The following PLAAT2 variants were observed in gnomAD, a reference collection of about 807,000 sequenced individuals.
The protein encoded by PLAAT2 is HRAS like suppressor 2.
Under a neutral mutation model 12.8 loss-of-function variants are expected in PLAAT2, and 12 were observed. The ratio of observed to expected loss-of-function variants is 0.94; its 90% CI spans 0.60 to 1.52. The LOEUF is 1.52. Ranked by LOEUF, PLAAT2 falls within the 40% of genes most tolerant of loss-of-function variation. The pLI is 0.00. For missense variants in PLAAT2, 166 were observed against 208.1 expected (o/e 0.80, Z 1.24); for synonymous variants, 79 against 86.8 (o/e 0.91, Z 0.50).
At chr11:63,556,738 C>T (rs1243209725) in intron 3 of PLAAT2, among the ~76,000 whole-genome samples, 1 of 152,154 alleles carries the variant, frequency 6.6e-6, no homozygotes, top group Non-Finnish European at 1.5e-5. Flanking sequence ...CAGCTAAATC[C>T]TCCCACACCC....
rs138429875 is a variant in PLAAT2, at chr11:63,560,386, T to G, written c.10-193A>C. ...TACTGGGGCTGCAGGACTGAAAAGT[T>G]GCTCTTCAGGGGACAAGGAGGAGAT... On this transcript the variant is annotated intron_variant, in intron 1 of 3. Transcript: ENST00000255695. Among the ~76,000 whole-genome samples the G allele has an allele frequency of 9.8e-5, 15 of 152,342 alleles. No individual in the cohort carries two copies. In the East Asian group the frequency reaches 2.1e-3, roughly 22 times the overall value.
At chr11:63,559,392 A>T (rs1333760663) in intron 2 of PLAAT2, among the ~76,000 whole-genome samples, 1 of 152,096 alleles carries the variant, frequency 6.6e-6, no homozygotes, top group East Asian at 1.9e-4. Context: ...TTGAAACAGT[A>T]GGAAAGGAAA....
At chr11:63,558,274 G>T in intron 3 of PLAAT2, 118 bp downstream of exon 3, 3 of 1,117,108 alleles carry the variant, frequency 2.7e-6, no homozygotes, top group Non-Finnish European at 2.6e-6. Context: ...TTTCATATCT[G>T]CTATTTTGTC....
intron 2 of PLAAT2, 111 bp from the exon 3 acceptor site, chr11:63,558,771 T>A: frequency 1.5e-6 from 2 of 1,292,536 alleles, no homozygotes; most frequent in South Asian, 1.4e-5. Context: ...GTGGAAGGAC[T>A]TGTCCATCCT....
intron 3 of PLAAT2, among the ~76,000 whole-genome samples, chr11:63,554,455 G>A (rs925321237): frequency 2.0e-5 from 3 of 151,558 alleles, no homozygotes; most frequent in Admixed American, 1.3e-4. Context: ...AACATGGTGA[G>A]ACCCCCGTCT....
At chr11:63,560,255 T>G in intron 1 of PLAAT2, 62 bp from the exon 2 acceptor site, 1 of 1,267,576 alleles carries the variant, frequency 7.9e-7, no homozygotes, top group Non-Finnish European at 1.1e-6. Flanking sequence ...TTCTAGGGCC[T>G]GACCTGCAAG....
intron 3 of PLAAT2, among the ~76,000 whole-genome samples, chr11:63,557,426 C>G (rs2017475877): frequency 6.6e-6 from 1 of 151,970 alleles, no homozygotes; most frequent in Admixed American, 6.6e-5. Context: ...ACTCAGGAGA[C>G]TGAGGTGGGA....
chr11:63,562,657 T>C (rs1260016526), intron 1 of PLAAT2, among the ~76,000 whole-genome samples: 1 of 152,234 alleles, frequency 6.6e-6, no homozygotes, highest in Non-Finnish European at 1.5e-5. Context: ...GCAGTAATTA[T>C]GCCTACTTCA....
At chr11:63,557,012 G>A (rs545681558) in intron 3 of PLAAT2, among the ~76,000 whole-genome samples, 1 of 152,124 alleles carries the variant, frequency 6.6e-6, no homozygotes, top group Non-Finnish European at 1.5e-5. Flanking sequence ...TAGGCTGATT[G>A]GTTTGACAAT....
intron 3 of PLAAT2, 41 bp from the exon 4 acceptor site, chr11:63,553,106 C>T (rs374258631): frequency 1.5e-5 from 20 of 1,309,504 alleles, no homozygotes; most frequent in Middle Eastern, 1.8e-4. Context: ...AGCATCAGGG[C>T]GGGACCACGA....
chr11:63,558,842 C>G (rs1042219406), intron 2 of PLAAT2, among the ~76,000 whole-genome samples, 182 bp from the exon 3 acceptor site: 5 of 152,190 alleles, frequency 3.3e-5, no homozygotes, highest in Non-Finnish European at 5.9e-5. Context: ...GAGAAGGTCC[C>G]TAAGTTCTGG....
upstream of PLAAT2, among the ~76,000 whole-genome samples, chr11:63,564,168 G>A (rs2017544186): frequency 6.6e-6 from 1 of 152,146 alleles, no homozygotes; most frequent in Non-Finnish European, 1.5e-5. Flanking sequence ...TGCTTGGACA[G>A]CAGTATAGAA....
At chr11:63,563,542 C>A (rs2017537380), upstream of PLAAT2, among the ~76,000 whole-genome samples, 1 of 151,788 alleles carries the variant, frequency 6.6e-6, no homozygotes, top group South Asian at 2.1e-4. Flanking sequence ...CACGGTGAAA[C>A]CCCGTCTCTC....
intron 1 of PLAAT2, among the ~76,000 whole-genome samples, chr11:63,560,732 G>T (rs567146940): frequency 6.6e-6 from 1 of 152,318 alleles, no homozygotes; most frequent in South Asian, 2.1e-4. Flanking sequence ...TGAGCACATG[G>T]AGTCTCAGGA....
rs181988223 is a variant in PLAAT2 at position 63,561,329 on chromosome 11, G to A, written c.10-1136C>T. 7.8e-3 allele frequency among the ~76,000 whole-genome samples: 1,193 copies of A among 152,218 alleles called. 67 individuals are homozygous for A. Among genetic ancestry groups the A allele is most frequent in the Admixed American group, 0.072 (1,096 of 15,288 alleles). Reference sequence around the variant, plus strand: ...CTCTGAAGACTGAGGGAAAAGGGTGGGAGTGGGTGAGGAATAAACGACTAC... The same window carrying A: ...CTCTGAAGACTGAGGGAAAAGGGTGAGAGTGGGTGAGGAATAAACGACTAC... On this transcript the variant is annotated intron_variant, in intron 1 of 3. Transcript: ENST00000255695.
At chr11:63,558,339 C>T (rs1360909443) in intron 3 of PLAAT2, 53 bp downstream of exon 3, 9 of 1,594,422 alleles carry the variant, frequency 5.6e-6, no homozygotes, top group Non-Finnish European at 6.9e-6. Flanking sequence ...CAGCCTCTGG[C>T]AGCTGAGGGA....
At chr11:63,554,835 A>C (rs924433740) in intron 3 of PLAAT2, among the ~76,000 whole-genome samples, 2 of 151,942 alleles carry the variant, frequency 1.3e-5, no homozygotes, top group African/African-American at 4.8e-5. Context: ...AGAAAGGGGG[A>C]AAAAAAACCA....
intron 2 of PLAAT2, among the ~76,000 whole-genome samples, chr11:63,559,070 C>A (rs2017495088): frequency 6.6e-6 from 1 of 152,194 alleles, no homozygotes; most frequent in Non-Finnish European, 1.5e-5. Context: ...AAGGCCAAGG[C>A]AGGAGGAACA....
At chr11:63,563,812 G>T (rs1397014090), upstream of PLAAT2, among the ~76,000 whole-genome samples, 1 of 151,588 alleles carries the variant, frequency 6.6e-6, no homozygotes, top group Non-Finnish European at 1.5e-5. Flanking sequence ...AAGTAGGCAA[G>T]GCGGCATGAA....
Sources: allele counts gnomAD v4.1 joint callset (sites outside exome capture counted in the v4.1 genomes callset), GRCh38; gene constraint gnomAD v4.1.1; transcripts MANE v1.5; gene names NCBI Gene and HGNC (gene_info 2026-07-23, HGNC 2026-07-21).